Variants in RBFOX1 observed in about 807,000 individuals in gnomAD.
RBFOX1 encodes the protein RNA binding protein fox-1 homolog 1.
RBFOX1 carries 8 observed loss-of-function variants against 57.7 expected under a neutral mutation model. That is an observed-to-expected ratio of 0.14 (90% CI 0.08 to 0.25). The LOEUF (loss-of-function observed/expected upper bound fraction) is 0.25. RBFOX1 is among the 10% of genes least tolerant of loss of function. The pLI is 1.00. For synonymous variants in RBFOX1, 326 were observed against 222.4 expected, an observed-to-expected ratio of 1.47 and a Z score of -4.15; for missense variants, 611 against 548.5, an observed-to-expected ratio of 1.11 and a Z score of -1.14.
chr16:6,595,323 C>T (rs2097766643), intron 2 of RBFOX1, among the ~76,000 whole-genome samples: 1 of 152,154 alleles, frequency 6.6e-6, no homozygotes, highest in Non-Finnish European at 1.5e-5. Context: ...TGTGGCCTTT[C>T]ATGTCTGGCT....
At chr16:7,534,182 G>C (rs1375842848) in intron 5 of RBFOX1, among the ~76,000 whole-genome samples, 1 of 149,672 alleles carries the variant, frequency 6.7e-6, no homozygotes, top group East Asian at 2.0e-4. Context: ...CACCTCCCAG[G>C]TTCAGGCGAT....
chr16:7,482,653 G>A (rs1404822889), intron 4 of RBFOX1, among the ~76,000 whole-genome samples: 2 of 146,466 alleles, frequency 1.4e-5, no homozygotes, highest in South Asian at 2.2e-4. Context: ...GGAAGAAGAT[G>A]CTGTGACAGG....
At chr16:5,874,671 G>A (rs936930110) in intron 4 of RBFOX1, among the ~76,000 whole-genome samples, 9 of 152,156 alleles carry the variant, frequency 5.9e-5, no homozygotes, top group Admixed American at 3.9e-4. Flanking sequence ...GCAGCTGGGC[G>A]AGGTGGTTTA....
chr16:7,226,705 A>G (rs1386521740), intron 4 of RBFOX1, among the ~76,000 whole-genome samples: 1 of 152,224 alleles, frequency 6.6e-6, no homozygotes, highest in Non-Finnish European at 1.5e-5. Flanking sequence ...ACTGTAGAGG[A>G]GTTCAGAGAT....
At chr16:6,193,539 C>T (rs867785465) in intron 1 of RBFOX1, among the ~76,000 whole-genome samples, 2 of 149,702 alleles carry the variant, frequency 1.3e-5, no homozygotes, top group South Asian at 2.1e-4. Context: ...CTGGGAACCT[C>T]GGTTTCATCA....
At chr16:7,047,605 C>T (rs2048405737) in intron 3 of RBFOX1, among the ~76,000 whole-genome samples, 1 of 128,322 alleles carries the variant, frequency 7.8e-6, no homozygotes, top group Non-Finnish European at 1.8e-5. Flanking sequence ...AGTTTTCAGC[C>T]ATTATTTCTT....
intron 3 of RBFOX1, among the ~76,000 whole-genome samples, chr16:5,816,614 T>C (rs185281321): frequency 6.6e-6 from 1 of 152,178 alleles, no homozygotes; most frequent in East Asian, 1.9e-4. Context: ...TTAAACTTCG[T>C]TTCTATAAAA....
chr16:5,752,881 T>C lies in RBFOX1; in HGVS notation c.319-114422T>C, dbSNP rs556554231. Reference sequence around the variant, plus strand: ...GAAAGAAAATTCACCCAGAACATTGTACAAAAAAAGAGTGCCCAGCACTTT... The same window carrying C: ...GAAAGAAAATTCACCCAGAACATTGCACAAAAAAAGAGTGCCCAGCACTTT... On this transcript the variant is annotated intron_variant, in intron 3 of 19. Transcript: ENST00000641259. 2.0e-5 allele frequency among the ~76,000 whole-genome samples: 3 copies of C among 152,160 alleles called. No individual in the cohort carries two copies. In the South Asian group the frequency reaches 6.2e-4, roughly 32 times the overall value.
rs542445374 is a variant in RBFOX1, at chr16:7,528,662, C to G, written c.270+10273C>G. ...GAGTAGCTGGGACTACAGGTGTTTT[C>G]CAGTGAACTTAGAAATAGGCATTAA... On this transcript the variant is annotated intron_variant, in intron 5 of 15. Coordinates refer to ENST00000550418, the MANE Select transcript of RBFOX1 (RefSeq NM_018723.4). Among the ~76,000 whole-genome samples the G allele has an allele frequency of 1.4e-4, 22 of 152,144 alleles. No homozygotes were observed. In the East Asian group the frequency reaches 4.3e-3, roughly 30 times the overall value.
intron 3 of RBFOX1, among the ~76,000 whole-genome samples, chr16:6,965,099 G>C (rs1373314400): frequency 6.6e-6 from 1 of 152,066 alleles, no homozygotes; most frequent in African/African-American, 2.4e-5. Flanking sequence ...CCTAGGTCAT[G>C]AGGTGGGTTT....
At chr16:6,021,013 G>C (rs143266922) in intron 1 of RBFOX1, among the ~76,000 whole-genome samples, 675 of 152,336 alleles carry the variant, frequency 4.4e-3, no homozygotes, top group Middle Eastern at 0.02. Context: ...TGCACCTGCT[G>C]GCACTGGAAC....
chr16:6,567,567 G>T (rs886746809), intron 2 of RBFOX1, among the ~76,000 whole-genome samples: 1 of 152,068 alleles, frequency 6.6e-6, no homozygotes, highest in Non-Finnish European at 1.5e-5. Context: ...TGTTTCTTAT[G>T]TGTCTGCTTG....
chr16:7,122,842 G>C (rs750154189), intron 4 of RBFOX1, among the ~76,000 whole-genome samples: 3 of 152,108 alleles, frequency 2.0e-5, no homozygotes, highest in Non-Finnish European at 2.9e-5. Context: ...AGCATTACAT[G>C]TACACGTGGA....
intron 1 of RBFOX1, among the ~76,000 whole-genome samples, chr16:5,429,605 G>A (rs779716710): frequency 1.2e-4 from 19 of 152,172 alleles, no homozygotes; most frequent in Non-Finnish European, 2.5e-4. Flanking sequence ...TGTGCTCGCA[G>A]CATGTGGTTC....
chr16:6,557,108 TATATACATATATACATAC>T (rs537113991), intron 2 of RBFOX1, among the ~76,000 whole-genome samples: 2,476 of 143,660 alleles, frequency 0.017, 51 homozygotes, highest in Admixed American at 0.02. Context: ...TATACATACA[TATATACATATATACATAC>T]ATATACATAT....
At chr16:5,567,774 C>G (rs1596305930) in intron 2 of RBFOX1, among the ~76,000 whole-genome samples, 1 of 152,134 alleles carries the variant, frequency 6.6e-6, no homozygotes, top group Admixed American at 6.5e-5. Context: ...GTCACCGTCA[C>G]CTATACTGAT....
chr16:7,682,563 C>CTTTTA lies in RBFOX1; in HGVS notation c.995+5730_995+5734dup, dbSNP rs2075041933. ...GGTTTTAGTTTTTTTTTTTTTTAAT[C>CTTTTA]TTTTATTTTTACTCAACCTGATGAA... is the stretch of plus-strand genomic sequence containing the variant. On this transcript the variant is annotated intron_variant, in intron 14 of 15. Coordinates refer to ENST00000550418, the MANE Select transcript of RBFOX1 (RefSeq NM_018723.4). 4.2e-5 allele frequency among the ~76,000 whole-genome samples: 6 copies of CTTTTA among 143,040 alleles called. No individual in the cohort carries two copies. The South Asian group carries it at 1.3e-3, about 32-fold the overall frequency. The allele number at this position is 143,040 out of a possible 152,430, so 93.8% of individuals were successfully genotyped here.
At chr16:7,544,048 C>T (rs1419949984) in intron 5 of RBFOX1, among the ~76,000 whole-genome samples, 2 of 152,132 alleles carry the variant, frequency 1.3e-5, no homozygotes, top group Non-Finnish European at 2.9e-5. Flanking sequence ...TGTTTATTTC[C>T]ATTTGTCTTC....
intron 2 of RBFOX1, among the ~76,000 whole-genome samples, chr16:6,526,829 C>CAAAAAAAAAAAAAA (rs541468859): frequency 2.1e-4 from 7 of 32,892 alleles, no homozygotes; most frequent in African/African-American, 5.4e-4. Flanking sequence ...GACTCTGTCT[C>CAAAAAAAAAAAAAA]AAAAAAAAAA....
Sources: allele counts gnomAD v4.1 joint callset (sites outside exome capture counted in the v4.1 genomes callset), GRCh38; gene constraint gnomAD v4.1.1; transcripts MANE v1.5; gene names NCBI Gene and HGNC (gene_info 2026-07-23, HGNC 2026-07-21).